Variants in COBL observed in about 807,000 individuals in gnomAD.
The protein encoded by COBL is cordon-bleu WH2 repeat protein, also known as protein cordon-bleu.
In COBL, 51 loss-of-function variants were observed where a neutral mutation model predicts 98.8. The ratio of observed to expected loss-of-function variants is 0.52; its 90% CI spans 0.41 to 0.65. The LOEUF (loss-of-function observed/expected upper bound fraction) is 0.65. Among genes scored for constraint, COBL ranks in the 30% least tolerant of loss-of-function variants. COBL has a pLI of 0.00. For synonymous variants in COBL, 634 were observed against 651.7 expected (o/e 0.97, Z 0.41); for missense variants, 1,617 against 1,617.5 (o/e 1.00, Z 0.01).
chr7:51,280,067 A>G (rs956420585), intron 1 of COBL, among the ~76,000 whole-genome samples: 9 of 152,150 alleles, frequency 5.9e-5, no homozygotes, highest in African/African-American at 1.9e-4. Flanking sequence ...ATAGAGCAGC[A>G]AAAAAAATCT....
At chr7:51,264,406 C>T (rs1416070066) in intron 1 of COBL, among the ~76,000 whole-genome samples, 1 of 152,166 alleles carries the variant, frequency 6.6e-6, no homozygotes, top group African/African-American at 2.4e-5. Context: ...CATGGTGGCT[C>T]ACGCCTGTAA....
intron 5 of COBL, among the ~76,000 whole-genome samples, chr7:51,169,509 T>C (rs2129041952): frequency 6.6e-6 from 1 of 152,352 alleles, no homozygotes; most frequent in African/African-American, 2.4e-5. Flanking sequence ...AATGGAGTGC[T>C]AGTCAACTAT....
chr7:51,065,199 GTT>G, intron 7 of COBL: 1 of 703,242 alleles, frequency 1.4e-6, no homozygotes, highest in Non-Finnish European at 2.6e-6. Context: ...CACAAGATGG[GTT>G]GTGTGTGTGT....
chr7:51,183,942 T>C (rs567296481), intron 5 of COBL, among the ~76,000 whole-genome samples, 160 bp downstream of exon 5: 97 of 152,372 alleles, frequency 6.4e-4, no homozygotes, highest in African/African-American at 2.3e-3. Context: ...AAGCACAGCC[T>C]GTCATTCCAG....
chr7:51,242,238 C>G (rs1472662366), intron 1 of COBL, among the ~76,000 whole-genome samples: 1 of 152,226 alleles, frequency 6.6e-6, no homozygotes, highest in African/African-American at 2.4e-5. Flanking sequence ...TGGGCCACTA[C>G]TTCATTTACA....
chr7:51,262,785 A>G (rs1355853900), intron 1 of COBL, among the ~76,000 whole-genome samples: 2 of 152,138 alleles, frequency 1.3e-5, no homozygotes, highest in Non-Finnish European at 2.9e-5. Flanking sequence ...GCTGGGATAC[A>G]AGGATGAAGA....
intron 6 of COBL, among the ~76,000 whole-genome samples, chr7:51,131,623 T>G (rs1798744895): frequency 6.6e-6 from 1 of 151,880 alleles, no homozygotes; most frequent in South Asian, 2.1e-4. Flanking sequence ...AAATGGAGTT[T>G]CACTCTTTCG....
intron 1 of COBL, among the ~76,000 whole-genome samples, chr7:51,293,369 G>A (rs1801093040): frequency 6.6e-6 from 1 of 152,150 alleles, no homozygotes; most frequent in Admixed American, 6.5e-5. Flanking sequence ...GTCAATCAAT[G>A]GGAGAACAAA....
chr7:51,304,174 C>T (rs75395246), intron 1 of COBL, among the ~76,000 whole-genome samples: 1,907 of 152,250 alleles, frequency 0.013, 38 homozygotes, highest in African/African-American at 0.044. Flanking sequence ...ATGGAGGAAT[C>T]GTGGTCTCGC....
At chr7:51,050,987 G>A (rs1466269125) in intron 7 of COBL, among the ~76,000 whole-genome samples, 1 of 152,026 alleles carries the variant, frequency 6.6e-6, no homozygotes, top group African/African-American at 2.4e-5. Context: ...TATTAAATTG[G>A]ACAGCTACAT....
At chr7:51,191,721 ACACT>A (rs1790136645) in intron 3 of COBL, among the ~76,000 whole-genome samples, 1 of 152,160 alleles carries the variant, frequency 6.6e-6, no homozygotes, top group East Asian at 1.9e-4. Context: ...AGGAAGAAAA[ACACT>A]CAGTTGACTA....
intron 2 of COBL, among the ~76,000 whole-genome samples, chr7:51,195,208 G>A (rs1178012532): frequency 2.0e-5 from 3 of 152,134 alleles, no homozygotes; most frequent in Non-Finnish European, 4.4e-5. Context: ...TATGTGGAAG[G>A]GGTCTAGTTT....
intron 6 of COBL, among the ~76,000 whole-genome samples, chr7:51,098,184 A>G (rs1795468704): frequency 6.8e-6 from 1 of 147,864 alleles, no homozygotes; most frequent in Non-Finnish European, 1.5e-5. Flanking sequence ...AACAATCTAT[A>G]CATTCAAAGC....
intron 6 of COBL, among the ~76,000 whole-genome samples, chr7:51,118,376 T>C (rs1401296161): frequency 6.6e-6 from 1 of 151,994 alleles, no homozygotes; most frequent in Admixed American, 6.6e-5. Flanking sequence ...GGAGGTTTGA[T>C]TGGGAAGGCT....
intron 1 of COBL, among the ~76,000 whole-genome samples, chr7:51,235,274 A>C (rs1161928620): frequency 1.3e-5 from 2 of 152,032 alleles, no homozygotes; most frequent in African/African-American, 4.8e-5. Flanking sequence ...GGTTTGGAGG[A>C]CGGGCGATTC....
At chr7:51,232,799 A>AT (rs1794886539) in intron 1 of COBL, among the ~76,000 whole-genome samples, 1 of 152,034 alleles carries the variant, frequency 6.6e-6, no homozygotes, top group Non-Finnish European at 1.5e-5. Context: ...TGACAGAGAG[A>AT]GACCCCACCA....
Position 51,017,131 on chromosome 7 carries a change from T to G in COBL, c.*420A>C, listed in dbSNP as rs1588217922. On this transcript the variant is annotated 3_prime_UTR_variant, in exon 13 of 13. Coordinates refer to ENST00000265136, the MANE Select transcript of COBL (RefSeq NM_015198.5). ...CTGATTCATATGTTTTTTCTAAAAT[T>G]CAAAAGATCTTAAATCAGTAAGTAG... is the stretch of plus-strand genomic sequence containing the variant. 2.3e-6 allele frequency: 1 copy of G among 426,070 alleles called. No homozygotes were observed. The highest frequency in any genetic ancestry group is 4.1e-6 in the Non-Finnish European group (1 of 242,794). 26.4% of individuals were successfully genotyped at this position (426,070 alleles called of 1,614,324 possible). A position where few individuals can be genotyped will look rare whatever the true frequency, so the allele number is the denominator to read the frequency against.
At chr7:51,140,247 T>A (rs1011772640) in intron 5 of COBL, among the ~76,000 whole-genome samples, 2 of 152,180 alleles carry the variant, frequency 1.3e-5, no homozygotes, top group Admixed American at 1.3e-4. Flanking sequence ...GGCCAGCTGC[T>A]GTCATTCAAT....
chr7:51,299,171 TACAC>T (rs139865540), intron 1 of COBL, among the ~76,000 whole-genome samples: 126 of 148,862 alleles, frequency 8.5e-4, no homozygotes, highest in Non-Finnish European at 1.3e-3. Flanking sequence ...CACACATACA[TACAC>T]ACACACACAC....
Sources: allele counts gnomAD v4.1 joint callset (sites outside exome capture counted in the v4.1 genomes callset), GRCh38; gene constraint gnomAD v4.1.1; transcripts MANE v1.5; gene names NCBI Gene and HGNC (gene_info 2026-07-23, HGNC 2026-07-21).